Variants in RASSF8 observed in about 807,000 individuals in gnomAD.
RASSF8 encodes the protein Ras association domain family member 8.
RASSF8 carries 22 observed loss-of-function variants against 48.5 expected under a neutral mutation model. The ratio of observed to expected loss-of-function variants is 0.45; its 90% confidence interval spans 0.32 to 0.65. The LOEUF (loss-of-function observed/expected upper bound fraction) is 0.65, where lower values mean the gene tolerates loss of function less well. Among genes scored for constraint, RASSF8 ranks in the 30% least tolerant of loss-of-function variants. The pLI is 0.03. For synonymous variants in RASSF8, 127 were observed against 171.5 expected (o/e 0.74, Z 2.03); for missense variants, 418 against 489.2 (o/e 0.85, Z 1.37).
Position 26,004,983 on chromosome 12 carries a change from G to A in RASSF8, c.-109+9853G>A, listed in dbSNP as rs187601523. Reference sequence around the variant, plus strand: ...AGTCTGGGCAACAAAGGGAGACCCTGTCTTTACAAAAAGTTAAAAAAAAAT... The same window carrying A: ...AGTCTGGGCAACAAAGGGAGACCCTATCTTTACAAAAAGTTAAAAAAAAAT... On this transcript the variant is annotated intron_variant, in intron 2 of 5. Coordinates refer to ENST00000689635, the MANE Select transcript of RASSF8 (RefSeq NM_001394098.1). Among the ~76,000 whole-genome samples, 24 of 151,418 alleles carry A rather than the reference G, an allele frequency of 1.6e-4. No individual in the cohort carries two copies. The East Asian group carries it at 3.4e-3, about 21-fold the overall frequency.
Position 26,064,675 on chromosome 12 carries a change from C to G in RASSF8, c.281C>G (p.Ala94Gly), listed in dbSNP as rs553716896. Residue 94 changes from alanine to glycine, a missense_variant, in exon 4 of 6, where the codon GCT (alanine) becomes GGT (glycine). Ala to Gly is a moderately conservative substitution (Grantham distance 60, BLOSUM62 0). Transcript: ENST00000689635. ...LSERPTSDSV[A>G]RIPERTLYRQ... ...GAGCGACCCACTTCAGACAGTGTGG[C>G]TCGAATTCCTGAAAGAACTTTATAC... is the stretch of plus-strand genomic sequence containing the variant. 116 of 1,614,100 alleles carry G rather than the reference C, an allele frequency of 7.2e-5. 2 individuals carry two copies. In the South Asian group the frequency reaches 1.2e-3, roughly 17 times the overall value.
chr12:25,972,488 T>A (rs1180637188), intron 1 of RASSF8, among the ~76,000 whole-genome samples: 2 of 152,144 alleles, frequency 1.3e-5, no homozygotes, highest in Non-Finnish European at 2.9e-5. Flanking sequence ...ATCTAATGGT[T>A]AATATCAGGG....
In RASSF8 at chr12:26,069,338, A is replaced by G; in HGVS notation, c.*520A>G. Reference sequence around the variant, plus strand: ...CTACACAAGTGTCCTAGGGTGCTCCACCATCGAAGCTAACTCCACAGGAAG... The same window carrying G: ...CTACACAAGTGTCCTAGGGTGCTCCGCCATCGAAGCTAACTCCACAGGAAG... On this transcript the variant is annotated 3_prime_UTR_variant, in exon 6 of 6. Transcript: ENST00000689635. The G allele has an allele frequency of 1.0e-6, 1 of 984,918 alleles. No homozygotes were observed. Among genetic ancestry groups the G allele is most frequent in the Non-Finnish European group, 1.2e-6 (1 of 829,458 alleles). The allele number at this position is 984,918 out of a possible 1,614,324, so 61.0% of individuals were successfully genotyped here.
In RASSF8 at chr12:26,017,616, A is replaced by C. The variant is rs539712048; in HGVS notation, c.-109+22486A>C. 4.7e-4 allele frequency among the ~76,000 whole-genome samples: 72 copies of C among 152,314 alleles called. 1 individual carries two copies. In the South Asian group the frequency reaches 0.015, roughly 31 times the overall value. On this transcript the variant is annotated intron_variant, in intron 2 of 5. Transcript: ENST00000689635. ...GGTGTCTTGCCAGGGGCAGTCTACCAAAAACGCACCCAAGGTGAGTGTTGA... is the reference window on the plus strand; with the variant it reads ...GGTGTCTTGCCAGGGGCAGTCTACCCAAAACGCACCCAAGGTGAGTGTTGA...
Position 26,064,723 on chromosome 12 carries a change from C to G in RASSF8, c.329C>G (p.Ala110Gly), listed in dbSNP as rs775047627. The G allele has an allele frequency of 3.7e-6, 6 of 1,614,072 alleles. No homozygotes were observed. Among genetic ancestry groups the G allele is most frequent in the Non-Finnish European group, 5.1e-6 (6 of 1,180,000 alleles). ...TACAGGCAGAGTCTGCCCCCCTTAG[C>G]TAAACTGAGGCCTCAGATTGACAAA... ...TLYRQSLPPL[A>G]KLRPQIDKSI... The change falls in exon 4 of 6, where the codon GCT becomes GGT. Residue 110 changes from alanine (A) to glycine (G), a missense_variant. By Grantham distance (60) the Ala-to-Gly change is moderately conservative (BLOSUM62 0). Transcript: ENST00000689635.
rs765154627 is a variant in RASSF8 at position 26,072,345 on chromosome 12, T to G, written c.*3527T>G. 1.3e-5 allele frequency: 13 copies of G among 985,310 alleles called. No individual in the cohort carries two copies. The Admixed American group carries it at 1.8e-4, about 14-fold the overall frequency. The allele number at this position is 985,310 out of a possible 1,614,324, so 61.0% of individuals were successfully genotyped here. On this transcript the variant is annotated 3_prime_UTR_variant, in exon 6 of 6. Coordinates refer to ENST00000689635, the MANE Select transcript of RASSF8 (RefSeq NM_001394098.1). ...GACAAAACAATCACTATTTATTCAG[T>G]ATTGCTGCTTTACATCTCCAGAATA... is the stretch of plus-strand genomic sequence containing the variant.
chr12:26,023,237 A>C (rs1942828506), intron 2 of RASSF8, among the ~76,000 whole-genome samples: 1 of 152,234 alleles, frequency 6.6e-6, no homozygotes, highest in Non-Finnish European at 1.5e-5. Context: ...AAAGGAATAA[A>C]AAAATTAAAA....
chr12:26,042,117 A>G (rs955302642), intron 2 of RASSF8, among the ~76,000 whole-genome samples: 20 of 152,338 alleles, frequency 1.3e-4, no homozygotes, highest in Middle Eastern at 3.4e-3. Context: ...TTGGTTTATT[A>G]TTTATCCAGT....
chr12:26,061,308 A>C (rs1943736819), intron 3 of RASSF8, among the ~76,000 whole-genome samples: 1 of 152,156 alleles, frequency 6.6e-6, no homozygotes, highest in Non-Finnish European at 1.5e-5. Flanking sequence ...CTTAAGTGAA[A>C]GTAAGCTGTT....
chr12:26,021,723 G>C (rs1325442022), intron 2 of RASSF8, among the ~76,000 whole-genome samples: 1 of 152,144 alleles, frequency 6.6e-6, no homozygotes, highest in African/African-American at 2.4e-5. Context: ...CACTGAGAAA[G>C]GCAAGCCAAG....
chr12:26,064,500 C>T lies in RASSF8; in HGVS notation c.106C>T (p.Arg36Ter). The part of the protein sequence containing the change: ...VVIALAQAIG[R>*]TGRYTLIEKW... ...TTATTCTTACCTTTTTTACATAGGT[C>T]GAACTGGAAGGTACACCCTTATAGA... Residue 36 changes from arginine (R) to a stop codon, truncating the protein, a stop_gained and splice_region_variant, in exon 4 of 6, where the codon CGA becomes TGA. Transcript: ENST00000689635. LOFTEE classifies it high-confidence loss of function. 4 of 1,535,248 alleles carry T rather than the reference C, an allele frequency of 2.6e-6. No individual in the cohort carries two copies. The highest frequency in any genetic ancestry group is 2.0e-5 in the Admixed American group (1 of 48,858).
intron 2 of RASSF8, among the ~76,000 whole-genome samples, chr12:26,003,336 T>C (rs1942306751): frequency 6.6e-6 from 1 of 152,252 alleles, no homozygotes; most frequent in Non-Finnish European, 1.5e-5. Context: ...CTTTTTGATG[T>C]GCTGTTGAGT....
At chr12:26,009,478 A>C (rs1048110981) in intron 2 of RASSF8, among the ~76,000 whole-genome samples, 1 of 152,210 alleles carries the variant, frequency 6.6e-6, no homozygotes, top group Admixed American at 6.5e-5. Context: ...TGTAGTGCAC[A>C]GGACTGTCCC....
At chr12:25,999,424 A>G (rs1381595325) in intron 2 of RASSF8, among the ~76,000 whole-genome samples, 1 of 152,206 alleles carries the variant, frequency 6.6e-6, no homozygotes, top group Non-Finnish European at 1.5e-5. Context: ...AGAATTTGCA[A>G]CATACTTGCT....
intron 2 of RASSF8, among the ~76,000 whole-genome samples, chr12:26,044,910 T>C (rs905450877): frequency 1.3e-5 from 2 of 152,182 alleles, no homozygotes; most frequent in Non-Finnish European, 2.9e-5. Context: ...TATAGCTGTT[T>C]GGAACAAAAG....
downstream of RASSF8, among the ~76,000 whole-genome samples, chr12:26,073,373 T>C (rs1944035408): frequency 6.6e-6 from 1 of 152,210 alleles, no homozygotes; most frequent in Non-Finnish European, 1.5e-5. Context: ...AACCACTTTT[T>C]AATGTGGAAG....
At position 26,068,885 on chromosome 12, in the gene RASSF8, G is replaced by A. The variant is rs942397037; in HGVS notation, c.*67G>A. ...GGACAGTAAACTTCCTTTTTGATTT[G>A]TGCCAATGATGAACAGAGGATCTAT... On this transcript the variant is annotated 3_prime_UTR_variant, in exon 6 of 6. Coordinates refer to ENST00000689635, the MANE Select transcript of RASSF8 (RefSeq NM_001394098.1). 65 of 1,517,994 alleles carry A rather than the reference G, an allele frequency of 4.3e-5. No individual in the cohort carries two copies. The highest frequency in any genetic ancestry group is 5.5e-5 in the Non-Finnish European group (62 of 1,137,488). The allele number at this position is 1,517,994 out of a possible 1,614,324, so 94.0% of individuals were successfully genotyped here.
At chr12:25,976,542 T>C (rs1006991107) in intron 1 of RASSF8, among the ~76,000 whole-genome samples, 2 of 152,208 alleles carry the variant, frequency 1.3e-5, no homozygotes, top group Admixed American at 6.5e-5. Context: ...GGCTACCACT[T>C]CGGTTACATG....
Position 25,993,492 on chromosome 12 carries a change from G to A in RASSF8, c.-202-1545G>A, listed in dbSNP as rs377223992. Among the ~76,000 whole-genome samples, 145 of 152,336 alleles carry A rather than the reference G, an allele frequency of 9.5e-4. 2 individuals are homozygous for A. In the South Asian group the frequency reaches 0.022, roughly 23 times the overall value. On this transcript the variant is annotated intron_variant, in intron 1 of 5. Transcript: ENST00000689635. ...AAGAGATTTTGATTTAGGTAAATAA[G>A]AATAGTTTAGAAACCAGGCTAGACT... is the stretch of plus-strand genomic sequence containing the variant.
Sources: allele counts gnomAD v4.1 joint callset (sites outside exome capture counted in the v4.1 genomes callset), GRCh38; gene constraint gnomAD v4.1.1; transcripts MANE v1.5; gene names NCBI Gene and HGNC (gene_info 2026-07-23, HGNC 2026-07-21).